The following RIMKLB variants were observed in gnomAD, a reference collection of about 807,000 sequenced individuals.
RIMKLB encodes the protein ribosomal modification protein rimK like family member B, also known as beta-citrylglutamate synthase B.
Under a neutral mutation model 32.0 loss-of-function variants are expected in RIMKLB, and 7 were observed. The ratio of observed to expected loss-of-function variants is 0.22; its 90% CI spans 0.12 to 0.41. RIMKLB has a LOEUF of 0.41. RIMKLB is among the 10% of genes least tolerant of loss of function. The pLI, the probability that RIMKLB is intolerant of heterozygous loss-of-function variation, is 1.00. For synonymous variants in RIMKLB, 172 were observed against 185.1 expected (o/e 0.93, Z 0.57); for missense variants, 289 against 498.7 (o/e 0.58, Z 4.00).
upstream of RIMKLB, among the ~76,000 whole-genome samples, chr12:8,681,325 CAA>C (rs112409279): frequency 1.2e-3 from 172 of 147,150 alleles, 1 homozygote; most frequent in African/African-American, 3.9e-3. Context: ...AACAATTGTA[CAA>C]AAAAAAAATA....
intron 1 of RIMKLB, among the ~76,000 whole-genome samples, chr12:8,708,809 C>T (rs1038456794): frequency 1.3e-5 from 2 of 152,128 alleles, no homozygotes; most frequent in African/African-American, 4.8e-5. Flanking sequence ...CTGAGTATTC[C>T]AAGATGCAGT....
intron 2 of RIMKLB, among the ~76,000 whole-genome samples, chr12:8,734,205 T>G (rs1272214228): frequency 6.6e-6 from 1 of 152,104 alleles, no homozygotes; most frequent in Non-Finnish European, 1.5e-5. Context: ...AAATCTGAGA[T>G]ATGGGAGAAG....
intron 1 of RIMKLB, among the ~76,000 whole-genome samples, chr12:8,702,572 G>C (rs1943499632): frequency 6.6e-6 from 1 of 152,150 alleles, no homozygotes; most frequent in Non-Finnish European, 1.5e-5. Context: ...GTGGAATATA[G>C]AATTGCTGTA....
At chr12:8,736,166 T>A (rs1173588418) in intron 2 of RIMKLB, among the ~76,000 whole-genome samples, 1 of 152,218 alleles carries the variant, frequency 6.6e-6, no homozygotes, top group Non-Finnish European at 1.5e-5. Flanking sequence ...AGTTCTATTT[T>A]AGTTTTAAGG....
At chr12:8,734,793 T>C (rs1223624047) in intron 2 of RIMKLB, among the ~76,000 whole-genome samples, 1 of 151,962 alleles carries the variant, frequency 6.6e-6, no homozygotes, top group Non-Finnish European at 1.5e-5. Flanking sequence ...TTTATAAAAA[T>C]AGATATATTT....
Position 8,775,528 on chromosome 12 carries a change from G to C in RIMKLB, c.*1744G>C, listed in dbSNP as rs1186593469. 1.0e-6 allele frequency: 1 copy of C among 985,538 alleles called. No homozygotes were observed. Among genetic ancestry groups the C allele is most frequent in the African/African-American group, 1.7e-5 (1 of 57,170 alleles). The allele number at this position is 985,538 out of a possible 1,614,324, so 61.0% of individuals were successfully genotyped here. On this transcript the variant is annotated 3_prime_UTR_variant, in exon 6 of 6. Coordinates refer to ENST00000535829, the MANE Select transcript of RIMKLB (RefSeq NM_001297776.2). ...CCAAGCCCTTTCTTGCCTCTCCAGT[G>C]CTATTTTCCTTCAGATGGACCTTAA...
At chr12:8,674,236 TTTCC>T in the RIMKLB span, among the ~76,000 whole-genome samples, 338 of 144,760 alleles carry the variant, frequency 2.3e-3, 1 homozygote, top group East Asian at 9.6e-3. Flanking sequence ...TTTTTTTTTT[TTTCC>T]TTTTTTTTTT....
chr12:8,698,773 G>A (rs1018497931), intron 1 of RIMKLB, among the ~76,000 whole-genome samples: 2 of 151,842 alleles, frequency 1.3e-5, no homozygotes, highest in African/African-American at 4.8e-5. Context: ...CGGTCCCGCA[G>A]CTACTGTATT....
Position 8,776,708 on chromosome 12 carries a change from ATTTCTGCTGGCT to A in RIMKLB, c.*2930_*2941del. 1.0e-6 allele frequency: 1 copy of A among 985,268 alleles called. No individual in the cohort carries two copies. The highest frequency in any genetic ancestry group is 1.2e-6 in the Non-Finnish European group (1 of 829,830). 61.0% of individuals were successfully genotyped at this position (985,268 alleles called of 1,614,324 possible). A position where few individuals can be genotyped will look rare whatever the true frequency, so the allele number is the denominator to read the frequency against. ...TTTTGGTGCCTATAATTGATTGGTC[ATTTCTGCTGGCT>A]TTTCTCCAATGAACATTGAAATCTT... is the stretch of plus-strand genomic sequence containing the variant. On this transcript the variant is annotated 3_prime_UTR_variant, in exon 6 of 6. Transcript: ENST00000535829.
At position 8,749,941 on chromosome 12, in the gene RIMKLB, T is replaced by C. The variant is rs915711545; in HGVS notation, c.255T>C (p.Ser85=). The change falls in exon 3 of 6, where the codon AGT becomes AGC. Residue 85 remains serine, a synonymous_variant. Transcript: ENST00000535829. ...GAGTACCAACCCCTTGGGTGCAAAG[T>C]GATAGTGACATCACTGTTTTGCGCC... is the stretch of plus-strand genomic sequence containing the variant. ...VVRVPTPWVQ[S]DSDITVLRHL... 2 of 1,613,800 alleles carry C rather than the reference T, an allele frequency of 1.2e-6. No individual in the cohort carries two copies. The highest frequency in any genetic ancestry group is 1.7e-6 in the Non-Finnish European group (2 of 1,179,778).
intron 5 of RIMKLB, among the ~76,000 whole-genome samples, chr12:8,767,083 C>T (rs1950032975): frequency 6.6e-6 from 1 of 152,194 alleles, no homozygotes; most frequent in Non-Finnish European, 1.5e-5. Context: ...CCCTTGTTTA[C>T]CCTGACAACA....
At chr12:8,777,246 T>TATTA, downstream of RIMKLB, 1 of 935,316 alleles carries the variant, frequency 1.1e-6, no homozygotes, top group Non-Finnish European at 1.3e-6. Context: ...TTTTTCTTCT[T>TATTA]AAAAAAACAA....
chr12:8,766,498 A>G (rs1390232347), intron 5 of RIMKLB, among the ~76,000 whole-genome samples: 3 of 152,132 alleles, frequency 2.0e-5, no homozygotes. Flanking sequence ...GGTGTAGGTA[A>G]CCTTTTGAGT....
rs1037240452 is a variant in RIMKLB at position 8,776,705 on chromosome 12, G to A, written c.*2921G>A. ...CTTTTTTGGTGCCTATAATTGATTG[G>A]TCATTTCTGCTGGCTTTTCTCCAAT... On this transcript the variant is annotated 3_prime_UTR_variant, in exon 6 of 6. Transcript: ENST00000535829. 1.0e-6 allele frequency: 1 copy of A among 984,994 alleles called. No homozygotes were observed. The highest frequency in any genetic ancestry group is 1.2e-6 in the Non-Finnish European group (1 of 829,770). 61.0% of individuals were successfully genotyped at this position (984,994 alleles called of 1,614,324 possible).
chr12:8,719,287 GTTTA>G (rs1185017741), intron 2 of RIMKLB, among the ~76,000 whole-genome samples: 4 of 152,292 alleles, frequency 2.6e-5, no homozygotes, highest in South Asian at 4.1e-4. Context: ...ATATACTGTA[GTTTA>G]TTTATTCAAC....
intron 1 of RIMKLB, among the ~76,000 whole-genome samples, chr12:8,710,145 C>G (rs755206094): frequency 2.0e-5 from 3 of 151,116 alleles, no homozygotes. Context: ...CACCAACACA[C>G]CCGGCTATTT....
chr12:8,680,511 C>T (rs1942388851), upstream of RIMKLB, among the ~76,000 whole-genome samples: 1 of 152,214 alleles, frequency 6.6e-6, no homozygotes, highest in African/African-American at 2.4e-5. Flanking sequence ...ATTGGGCAAC[C>T]AGTCACCCTC....
chr12:8,738,588 A>C lies in RIMKLB; in HGVS notation c.176-11274A>C, dbSNP rs766583074. Among the ~76,000 whole-genome samples the C allele has an allele frequency of 7.2e-5, 11 of 152,330 alleles. No homozygotes were observed. In the South Asian group the frequency reaches 2.3e-3, roughly 32 times the overall value. ...TCTTGACTATTCATTATTTCATAAG[A>C]CTTTTAAATCTTTTTGTCTGATTAC... On this transcript the variant is annotated intron_variant, in intron 2 of 5. Transcript: ENST00000535829.
intron 1 of RIMKLB, among the ~76,000 whole-genome samples, chr12:8,685,068 T>C (rs1412358864): frequency 6.6e-6 from 1 of 152,252 alleles, no homozygotes; most frequent in Non-Finnish European, 1.5e-5. Context: ...ATTTTTTATA[T>C]AGGCAATCAT....
Sources: allele counts gnomAD v4.1 joint callset (sites outside exome capture counted in the v4.1 genomes callset), GRCh38; gene constraint gnomAD v4.1.1; transcripts MANE v1.5; gene names NCBI Gene and HGNC (gene_info 2026-07-23, HGNC 2026-07-21).